MAF: variants seen among roughly 807,000 people sequenced by gnomAD.
MAF encodes the protein transcription factor Maf.
A neutral mutation model predicts 22.0 loss-of-function variants in MAF; 10 were observed. The ratio of observed to expected loss-of-function variants is 0.45; its 90% CI spans 0.28 to 0.77. MAF has a LOEUF of 0.77. MAF is among the 30% of genes least tolerant of loss of function. The probability of loss-of-function intolerance (pLI) is 0.12; values close to 1 mark genes in which losing one functional copy is unlikely to be tolerated. For synonymous variants in MAF, 337 were observed against 255.8 expected, an observed-to-expected ratio of 1.32 and a Z score of -3.03; for missense variants, 544 against 548.4, an observed-to-expected ratio of 0.99 and a Z score of 0.08.
the MAF span, among the ~76,000 whole-genome samples, chr16:79,487,742 C>T: frequency 2.6e-5 from 4 of 152,186 alleles, no homozygotes; most frequent in East Asian, 1.9e-4. Context: ...TTCTCAACTT[C>T]GGAGACTACA....
chr16:79,433,215 G>A, the MAF span, among the ~76,000 whole-genome samples: 76,689 of 149,420 alleles, frequency 0.51, 20,277 homozygotes, highest in Middle Eastern at 0.59. Context: ...CTTTTCTCTC[G>A]CAAAGGATTC....
chr16:79,435,221 C>A, the MAF span, among the ~76,000 whole-genome samples: 1 of 151,526 alleles, frequency 6.6e-6, no homozygotes, highest in East Asian at 1.9e-4. Context: ...TATGTACACA[C>A]ACATACAAGC....
At chr16:79,394,923 G>C in the MAF span, among the ~76,000 whole-genome samples, 1 of 152,192 alleles carries the variant, frequency 6.6e-6, no homozygotes, top group Non-Finnish European at 1.5e-5. Context: ...GTACTCCACA[G>C]TGGTCAAGAG....
chr16:79,367,341 A>G, the MAF span, among the ~76,000 whole-genome samples: 2 of 152,204 alleles, frequency 1.3e-5, no homozygotes, highest in Non-Finnish European at 2.9e-5. Context: ...TCACAGGGGA[A>G]GGGGCCTACC....
the MAF span, among the ~76,000 whole-genome samples, chr16:79,297,676 T>C: frequency 2.0e-5 from 3 of 152,198 alleles, no homozygotes; most frequent in African/African-American, 7.2e-5. Context: ...CAGTAAACAC[T>C]ACCATTCTCA....
chr16:79,445,070 G>C, the MAF span, among the ~76,000 whole-genome samples: 1 of 152,034 alleles, frequency 6.6e-6, no homozygotes, highest in East Asian at 1.9e-4. Context: ...GTCTCACTCT[G>C]TCGCCCAGAC....
chr16:79,424,266 T>C, the MAF span, among the ~76,000 whole-genome samples: 3 of 152,120 alleles, frequency 2.0e-5, no homozygotes, highest in Non-Finnish European at 2.9e-5. Flanking sequence ...AAATCATGCA[T>C]TTAAAAGTTA....
chr16:79,279,853 G>C, the MAF span, among the ~76,000 whole-genome samples: 1 of 152,122 alleles, frequency 6.6e-6, no homozygotes, highest in African/African-American at 2.4e-5. Context: ...CAGAGCACTA[G>C]ATGATTTGGG....
the MAF span, among the ~76,000 whole-genome samples, chr16:79,273,060 G>T: frequency 6.6e-6 from 1 of 152,206 alleles, no homozygotes; most frequent in Non-Finnish European, 1.5e-5. Flanking sequence ...ATACAATGTG[G>T]GAAAATTCAC....
the MAF span, among the ~76,000 whole-genome samples, chr16:79,486,183 C>A: frequency 1.3e-5 from 2 of 152,148 alleles, no homozygotes; most frequent in Non-Finnish European, 2.9e-5. Context: ...GGGCTCATCT[C>A]CCTTGATTGT....
the MAF span, among the ~76,000 whole-genome samples, chr16:79,207,644 TAA>T: frequency 6.6e-6 from 1 of 152,254 alleles, no homozygotes; most frequent in African/African-American, 2.4e-5. Context: ...AAGTCTACTT[TAA>T]GACAGGAATC....
chr16:79,402,683 A>G, the MAF span, among the ~76,000 whole-genome samples: 3 of 152,246 alleles, frequency 2.0e-5, no homozygotes, highest in Non-Finnish European at 4.4e-5. Context: ...AAAGGGCCCA[A>G]CTGCTTGGCA....
downstream of MAF, among the ~76,000 whole-genome samples, chr16:79,591,795 C>T (rs1315524634): frequency 6.6e-6 from 1 of 152,136 alleles, no homozygotes; most frequent in Non-Finnish European, 1.5e-5. Flanking sequence ...TTGCAGTGAC[C>T]ATTTAAATAT....
chr16:79,371,210 T>C, the MAF span, among the ~76,000 whole-genome samples: 7 of 152,068 alleles, frequency 4.6e-5, no homozygotes, highest in Admixed American at 2.6e-4. Flanking sequence ...CTCTTCAACA[T>C]AGTGGTCTCA....
chr16:79,486,777 C>T, the MAF span, among the ~76,000 whole-genome samples: 1 of 152,182 alleles, frequency 6.6e-6, no homozygotes, highest in Admixed American at 6.5e-5. Flanking sequence ...ATTAACTATC[C>T]TAAAAGAAAT....
the MAF span, among the ~76,000 whole-genome samples, chr16:79,408,974 A>G: frequency 1.7e-5 from 2 of 115,312 alleles, no homozygotes; most frequent in Non-Finnish European, 3.5e-5. Flanking sequence ...TTAAATTAGG[A>G]TTGCACATAG....
chr16:79,472,164 C>T, the MAF span, among the ~76,000 whole-genome samples: 3 of 152,096 alleles, frequency 2.0e-5, no homozygotes, highest in South Asian at 4.2e-4. Flanking sequence ...AATCCCCAGT[C>T]AACCCTCAAG....
the MAF span, among the ~76,000 whole-genome samples, chr16:79,350,898 TGTGTGC>T: frequency 9.0e-5 from 13 of 144,398 alleles, no homozygotes; most frequent in South Asian, 2.2e-4. Context: ...TGTGTGTGTG[TGTGTGC>T]GTGTGAATAC....
At chr16:79,220,016 G>A in the MAF span, among the ~76,000 whole-genome samples, 2 of 151,966 alleles carry the variant, frequency 1.3e-5, no homozygotes, top group African/African-American at 4.8e-5. Flanking sequence ...AATTCTTTGG[G>A]ATGCCAAGGT....
Sources: gnomAD v4.1 joint callset for allele counts (sites outside exome capture counted in the v4.1 genomes callset) on GRCh38, gnomAD v4.1.1 for gene constraint, MANE v1.5 for transcripts, NCBI Gene and HGNC (gene_info 2026-07-23, HGNC 2026-07-21) for gene names.